Variants in NRXN3 observed in about 807,000 individuals in gnomAD.
NRXN3 encodes neurexin III.
A neutral mutation model predicts 137.6 loss-of-function variants in NRXN3; 32 were observed. That is an observed-to-expected ratio of 0.23 (90% CI 0.18 to 0.31). The LOEUF is 0.31. NRXN3 is among the 10% of genes least tolerant of loss of function. The pLI is 1.00. For synonymous variants in NRXN3, 798 were observed against 784.5 expected, an observed-to-expected ratio of 1.02 and a Z score of -0.29; for missense variants, 1,574 against 2,062.5, an observed-to-expected ratio of 0.76 and a Z score of 4.59.
chr14:78,284,563 C>T (rs2074896030), intron 3 of NRXN3, among the ~76,000 whole-genome samples: 1 of 152,156 alleles, frequency 6.6e-6, no homozygotes, highest in Non-Finnish European at 1.5e-5. Context: ...TCCATTTGAT[C>T]CTTTAAGCAC....
intron 16 of NRXN3, among the ~76,000 whole-genome samples, chr14:79,640,068 C>G (rs1173060725): frequency 7.5e-6 from 1 of 132,976 alleles, no homozygotes; most frequent in African/African-American, 2.5e-5. Context: ...AAGCAAAGAG[C>G]AATAATTTGT....
intron 4 of NRXN3, among the ~76,000 whole-genome samples, chr14:78,594,785 C>A (rs1285103290): frequency 1.1e-4 from 17 of 152,020 alleles, no homozygotes; most frequent in Admixed American, 1.1e-3. Flanking sequence ...ACTGGCCTCT[C>A]AAAAAAAGTC....
Position 78,235,020 on chromosome 14 carries a change from ATATGTGTATATATATATGTG to A in NRXN3, c.-703-7369_-703-7350del, listed in dbSNP as rs2066052335. ...TATATATATATATATATATATATAT[ATATGTGTATATATATATGTG>A]TGTGTGTGTGTGTGTGTCTTTTTGT... On this transcript the variant is annotated intron_variant, in intron 1 of 20. Coordinates refer to ENST00000335750, the MANE Select transcript of NRXN3 (RefSeq NM_001330195.2). Among the ~76,000 whole-genome samples, 2 of 93,386 alleles carry A rather than the reference ATATGTGTATATATATATGTG, an allele frequency of 2.1e-5. 1 individual carries two copies. The highest frequency in any genetic ancestry group is 4.3e-5 in the Non-Finnish European group (2 of 46,946). The allele number at this position is 93,386 out of a possible 152,430, so 61.3% of individuals were successfully genotyped here.
chr14:79,272,216 G>GTTTTTT (rs71131691), intron 15 of NRXN3, among the ~76,000 whole-genome samples: 1 of 132,600 alleles, frequency 7.5e-6, no homozygotes, highest in East Asian at 2.2e-4. Context: ...TTTGGTTTAG[G>GTTTTTT]TTTTTTTTTT....
chr14:78,607,631 C>T (rs1601275559), intron 4 of NRXN3, among the ~76,000 whole-genome samples: 1 of 152,280 alleles, frequency 6.6e-6, no homozygotes, highest in Non-Finnish European at 1.5e-5. Context: ...GTGACCTTAT[C>T]ATGGAGAGCT....
intron 15 of NRXN3, among the ~76,000 whole-genome samples, chr14:79,128,577 G>T (rs1653977889): frequency 6.6e-6 from 1 of 151,464 alleles, no homozygotes; most frequent in African/African-American, 2.4e-5. Context: ...GATTCGGTTT[G>T]CCAGTATTTT....
chr14:78,192,881 C>T (rs962878457), intron 1 of NRXN3, among the ~76,000 whole-genome samples: 9 of 152,174 alleles, frequency 5.9e-5, no homozygotes, highest in Non-Finnish European at 1.2e-4. Flanking sequence ...CCAGTACTTT[C>T]AATTTCTTCT....
intron 15 of NRXN3, among the ~76,000 whole-genome samples, chr14:79,402,714 G>A (rs2095235120): frequency 6.6e-6 from 1 of 152,124 alleles, no homozygotes; most frequent in Admixed American, 6.6e-5. Context: ...GGGATTGTCG[G>A]GATGGGCTTA....
chr14:78,742,771 A>G (rs117448275), intron 8 of NRXN3, among the ~76,000 whole-genome samples: 1,974 of 152,318 alleles, frequency 0.013, 21 homozygotes, highest in Non-Finnish European at 0.021. Flanking sequence ...TTGTATGTAA[A>G]TAAAAGTTTA....
chr14:79,858,900 T>C (rs2141906104), intron 20 of NRXN3, among the ~76,000 whole-genome samples: 1 of 151,908 alleles, frequency 6.6e-6, no homozygotes, highest in South Asian at 2.1e-4. Context: ...CAAATCCCAT[T>C]TGTAAAAACT....
chr14:79,272,908 C>T (rs1428515341), intron 15 of NRXN3, among the ~76,000 whole-genome samples: 1 of 152,158 alleles, frequency 6.6e-6, no homozygotes, highest in Non-Finnish European at 1.5e-5. Flanking sequence ...TGCGGTGGCT[C>T]ACGCCTGTAA....
At chr14:79,200,712 GA>G (rs964521697) in intron 15 of NRXN3, among the ~76,000 whole-genome samples, 9 of 151,780 alleles carry the variant, frequency 5.9e-5, no homozygotes, top group African/African-American at 2.2e-4. Flanking sequence ...TACTCTTGAA[GA>G]AAGAGATTTC....
chr14:78,514,581 T>C (rs577037010), intron 4 of NRXN3, among the ~76,000 whole-genome samples: 1 of 152,278 alleles, frequency 6.6e-6, no homozygotes, highest in Non-Finnish European at 1.5e-5. Flanking sequence ...TTCAATTTAT[T>C]AAGAACATAC....
At position 78,692,818 on chromosome 14, in the gene NRXN3, C is replaced by T. The variant is rs150276767; in HGVS notation, c.1222-16399C>T. On this transcript the variant is annotated intron_variant, in intron 6 of 20. Transcript: ENST00000335750. ...TTGGCAGGCCAGGCGCAGTGGCTCACGCCTGTAATCCCAGCACTTTGGGAG... is the reference window on the plus strand; with the variant it reads ...TTGGCAGGCCAGGCGCAGTGGCTCATGCCTGTAATCCCAGCACTTTGGGAG... Among the ~76,000 whole-genome samples the T allele has an allele frequency of 3.9e-3, 594 of 152,200 alleles. 7 individuals carry two copies. Among genetic ancestry groups the T allele is most frequent in the African/African-American group, 0.014 (567 of 41,512 alleles).
intron 6 of NRXN3, among the ~76,000 whole-genome samples, chr14:78,667,462 A>G (rs965687173): frequency 6.6e-6 from 1 of 152,198 alleles, no homozygotes; most frequent in African/African-American, 2.4e-5. Flanking sequence ...TGGCTTGCAT[A>G]CAATCCCTTT....
chr14:79,582,304 A>C (rs974035977), intron 16 of NRXN3, among the ~76,000 whole-genome samples: 6 of 152,182 alleles, frequency 3.9e-5, no homozygotes, highest in African/African-American at 1.2e-4. Context: ...CACAAGGGTT[A>C]AATAATTTGC....
intron 15 of NRXN3, among the ~76,000 whole-genome samples, chr14:79,392,796 C>G (rs989047660): frequency 3.3e-5 from 5 of 151,694 alleles, no homozygotes; most frequent in African/African-American, 1.2e-4. Context: ...ATGATGAAAC[C>G]CTGTCTTTAC....
chr14:78,417,303 G>A (rs1039889645), intron 4 of NRXN3, among the ~76,000 whole-genome samples: 2 of 152,198 alleles, frequency 1.3e-5, no homozygotes, highest in African/African-American at 4.8e-5. Context: ...TGTTGTTCAT[G>A]TCCTTCTGTC....
At chr14:79,425,690 C>T (rs2095645511) in intron 15 of NRXN3, among the ~76,000 whole-genome samples, 7 of 152,186 alleles carry the variant, frequency 4.6e-5, no homozygotes. Context: ...GGTCTTCTGT[C>T]TCTCACAATC....
Sources: allele counts gnomAD v4.1 joint callset (sites outside exome capture counted in the v4.1 genomes callset), GRCh38; gene constraint gnomAD v4.1.1; transcripts MANE v1.5; gene names NCBI Gene and HGNC (gene_info 2026-07-23, HGNC 2026-07-21).